Variants in ADARB2 observed in about 807,000 individuals in gnomAD.
ADARB2 encodes the protein adenosine deaminase RNA specific B2 (inactive).
Under a neutral mutation model 62.2 loss-of-function variants are expected in ADARB2, and 25 were observed. The ratio of observed to expected loss-of-function variants is 0.40; its 90% confidence interval spans 0.29 to 0.56. The LOEUF (loss-of-function observed/expected upper bound fraction) is 0.56, where lower values mean the gene tolerates loss of function less well. Among genes scored for constraint, ADARB2 ranks in the 20% least tolerant of loss-of-function variants. The probability of loss-of-function intolerance (pLI) is 0.43; values close to 1 mark genes in which losing one functional copy is unlikely to be tolerated. For synonymous variants in ADARB2, 572 were observed against 500.8 expected (o/e 1.14, Z -1.90); for missense variants, 1,071 against 1,077.4 (o/e 0.99, Z 0.08).
intron 1 of ADARB2, among the ~76,000 whole-genome samples, chr10:1,502,681 G>T (rs1022627873): frequency 4.6e-5 from 7 of 152,252 alleles, no homozygotes; most frequent in Admixed American, 6.5e-5. Context: ...GGGTGCATGA[G>T]CTGGGCCTCA....
chr10:1,597,614 A>G (rs1007627417), intron 1 of ADARB2, among the ~76,000 whole-genome samples: 5 of 152,230 alleles, frequency 3.3e-5, no homozygotes, highest in Admixed American at 1.3e-4. Context: ...TAAAAAGTCA[A>G]TGAACAACAG....
chr10:1,698,901 C>T (rs888693573), intron 1 of ADARB2, among the ~76,000 whole-genome samples: 1 of 152,226 alleles, frequency 6.6e-6, no homozygotes, highest in Non-Finnish European at 1.5e-5. Context: ...GCTGGGATTA[C>T]AGGCACCCAC....
chr10:1,474,738 G>A (rs1482307185), intron 1 of ADARB2, among the ~76,000 whole-genome samples: 1 of 152,216 alleles, frequency 6.6e-6, no homozygotes, highest in Non-Finnish European at 1.5e-5. Flanking sequence ...CAGGCAGCGG[G>A]TGGGTCGACT....
At chr10:1,282,518 A>G (rs1269003448) in intron 3 of ADARB2, among the ~76,000 whole-genome samples, 1 of 152,252 alleles carries the variant, frequency 6.6e-6, no homozygotes, top group Non-Finnish European at 1.5e-5. Flanking sequence ...GTTAGAAGCT[A>G]GACAGCAGCT....
chr10:1,548,806 G>C (rs1038997773), intron 1 of ADARB2, among the ~76,000 whole-genome samples: 2 of 152,214 alleles, frequency 1.3e-5, no homozygotes, highest in Admixed American at 1.3e-4. Flanking sequence ...CGTGATGCCA[G>C]GACACCTGGC....
chr10:1,734,269 C>G lies in ADARB2; in HGVS notation c.100+2782G>C, dbSNP rs564902702. Among the ~76,000 whole-genome samples, 13 of 147,714 alleles carry G rather than the reference C, an allele frequency of 8.8e-5. No individual in the cohort carries two copies. The Admixed American group carries it at 8.8e-4, about 10-fold the overall frequency. ...AATACAGGTTCCTGCCAAATAATAC[C>G]TGAAAGTCATATTCTGTGACGAAGG... On this transcript the variant is annotated intron_variant, in intron 1 of 9. Transcript: ENST00000381312.
chr10:1,359,793 T>C (rs1172874192), intron 3 of ADARB2, among the ~76,000 whole-genome samples: 1 of 152,164 alleles, frequency 6.6e-6, no homozygotes, highest in Non-Finnish European at 1.5e-5. Flanking sequence ...CTCTCAACAG[T>C]GTGGGTCTCT....
intron 1 of ADARB2, among the ~76,000 whole-genome samples, chr10:1,580,473 C>T (rs1354131191): frequency 6.8e-6 from 1 of 147,506 alleles, no homozygotes; most frequent in Non-Finnish European, 1.5e-5. Flanking sequence ...ACGGGTCTTT[C>T]TTTCTGAGAT....
At chr10:1,254,098 T>G (rs1327098719) in intron 4 of ADARB2, among the ~76,000 whole-genome samples, 1 of 150,662 alleles carries the variant, frequency 6.6e-6, no homozygotes, top group African/African-American at 2.5e-5. Context: ...GGTCTCTGGT[T>G]AGGATGCAGT....
intron 1 of ADARB2, among the ~76,000 whole-genome samples, chr10:1,447,827 G>A (rs1830990568): frequency 6.6e-6 from 1 of 152,116 alleles, no homozygotes; most frequent in African/African-American, 2.4e-5. Context: ...AGAGCTTGTG[G>A]TATTTGGTTT....
chr10:1,453,351 T>C (rs1831061422), intron 1 of ADARB2, among the ~76,000 whole-genome samples: 1 of 152,244 alleles, frequency 6.6e-6, no homozygotes, highest in South Asian at 2.1e-4. Context: ...CCAAATCCAA[T>C]GTCATGACGC....
chr10:1,193,733 T>C (rs1007180483), intron 8 of ADARB2, among the ~76,000 whole-genome samples: 1 of 152,216 alleles, frequency 6.6e-6, no homozygotes, highest in African/African-American at 2.4e-5. Context: ...AGATCGTAAG[T>C]TGAGATTGTT....
intron 1 of ADARB2, among the ~76,000 whole-genome samples, chr10:1,606,694 T>C (rs537857003): frequency 1.3e-5 from 2 of 152,162 alleles, no homozygotes; most frequent in South Asian, 2.1e-4. Flanking sequence ...AGGGACTCTA[T>C]GGGAGTGTGG....
At chr10:1,326,607 G>A (rs555913810) in intron 3 of ADARB2, among the ~76,000 whole-genome samples, 3 of 152,332 alleles carry the variant, frequency 2.0e-5, no homozygotes, top group Non-Finnish European at 4.4e-5. Flanking sequence ...CGAGGAAGAT[G>A]GAGGAGGAAA....
At chr10:1,613,361 T>C (rs1466468976) in intron 1 of ADARB2, among the ~76,000 whole-genome samples, 1 of 152,220 alleles carries the variant, frequency 6.6e-6, no homozygotes, top group African/African-American at 2.4e-5. Flanking sequence ...TTCAATGGCA[T>C]GTCTTTATAA....
intron 1 of ADARB2, among the ~76,000 whole-genome samples, chr10:1,403,496 C>T (rs1424953283): frequency 6.6e-6 from 1 of 152,168 alleles, no homozygotes; most frequent in Admixed American, 6.5e-5. Flanking sequence ...CAGTGAGAGC[C>T]ATTCTCATTT....
intron 4 of ADARB2, among the ~76,000 whole-genome samples, chr10:1,249,460 T>A (rs867309927): frequency 1.1e-3 from 153 of 140,010 alleles, no homozygotes; most frequent in Middle Eastern, 3.7e-3. Flanking sequence ...AAAAAAAAAA[T>A]GGATTTATAT....
intron 6 of ADARB2, among the ~76,000 whole-genome samples, chr10:1,220,272 GATGGTA>G (rs1463849985): frequency 8.2e-6 from 1 of 121,422 alleles, no homozygotes; most frequent in Non-Finnish European, 1.8e-5. Flanking sequence ...TGGTGGTGAT[GATGGTA>G]ATGGTGATGG....
rs190285482 is a variant in ADARB2 at position 1,731,913 on chromosome 10, A to G, written c.100+5138T>C. Among the ~76,000 whole-genome samples the G allele has an allele frequency of 9.8e-5, 15 of 152,360 alleles. No individual in the cohort carries two copies. The East Asian group carries it at 2.7e-3, about 27-fold the overall frequency. ...TTTCAAAATGGCAATAAGCACTTATAAAGTCTTGCTTACAATGTGGAAAAT... is the reference window on the plus strand; with the variant it reads ...TTTCAAAATGGCAATAAGCACTTATGAAGTCTTGCTTACAATGTGGAAAAT... On this transcript the variant is annotated intron_variant, in intron 1 of 9. Coordinates refer to ENST00000381312, the MANE Select transcript of ADARB2 (RefSeq NM_018702.4).
Sources: allele counts gnomAD v4.1 joint callset (sites outside exome capture counted in the v4.1 genomes callset), GRCh38; gene constraint gnomAD v4.1.1; transcripts MANE v1.5; gene names NCBI Gene and HGNC (gene_info 2026-07-23, HGNC 2026-07-21).